Variants in ZNF107 observed in about 807,000 individuals in gnomAD.
ZNF107 encodes the protein C2H2 type zinc-finger protein.
ZNF107 carries 19 observed loss-of-function variants against 12.3 expected under a neutral mutation model. That is an observed-to-expected ratio of 1.55 (90% CI 1.08 to 2.27). The LOEUF (loss-of-function observed/expected upper bound fraction) is 2.27. Among genes scored for constraint, ZNF107 ranks in the 30% most tolerant of loss-of-function variants. The pLI is 0.00. For missense variants in ZNF107, 958 were observed against 979.9 expected (o/e 0.98, Z 0.30); for synonymous variants, 317 against 330.5 (o/e 0.96, Z 0.44).
intron 1 of ZNF107, among the ~76,000 whole-genome samples, chr7:64,684,994 T>C (rs1226346197): frequency 6.6e-6 from 1 of 152,140 alleles, no homozygotes; most frequent in Non-Finnish European, 1.5e-5. Context: ...CACAAAAAAC[T>C]GGGTAGTTAC....
intron 3 of ZNF107, among the ~76,000 whole-genome samples, chr7:64,701,027 T>C (rs1159852564): frequency 6.6e-6 from 1 of 152,226 alleles, no homozygotes; most frequent in East Asian, 1.9e-4. Context: ...GTATTTTCTT[T>C]ATATATTTTG....
At chr7:64,679,315 C>A (rs948241867) in intron 1 of ZNF107, 1 of 985,074 alleles carries the variant, frequency 1.0e-6, no homozygotes, top group Non-Finnish European at 1.2e-6. Context: ...TCTGTAAAAG[C>A]CCCGCCTCTG....
intron 3 of ZNF107, among the ~76,000 whole-genome samples, chr7:64,697,970 GCGCCCGGC>G (rs1020004956): frequency 6.6e-6 from 1 of 152,040 alleles, no homozygotes; most frequent in African/African-American, 2.4e-5. Flanking sequence ...GTGAGCCACC[GCGCCCGGC>G]CGGTAAAACA....
chr7:64,685,931 G>A (rs1789889354), intron 1 of ZNF107, among the ~76,000 whole-genome samples: 2 of 152,110 alleles, frequency 1.3e-5, no homozygotes, highest in Non-Finnish European at 1.5e-5. Context: ...ATAGGACTAG[G>A]AGTTACCAAT....
chr7:64,667,093 T>G (rs2128954336), intron 1 of ZNF107, among the ~76,000 whole-genome samples: 1 of 152,316 alleles, frequency 6.6e-6, no homozygotes, highest in South Asian at 2.1e-4. Flanking sequence ...GCCATTTAGT[T>G]ATTTTCACAC....
rs748783670 is a variant in ZNF107 at position 64,707,965 on chromosome 7, G to A, written c.1868G>A (p.Cys623Tyr). ...IIHTGEKPYK[C>Y]EEHGKVFNQS... is the part of the protein sequence containing the mutation. ...CATACTGGAGAGAAACCCTACAAAT[G>A]TGAAGAACATGGCAAAGTTTTTAAC... is the stretch of plus-strand genomic sequence containing the variant. Residue 623 changes from cysteine to tyrosine, a missense_variant, in exon 4 of 4, where the codon TGT (cysteine) becomes TAT (tyrosine). By Grantham distance (194) the Cys-to-Tyr change is radical (BLOSUM62 -2). Coordinates refer to ENST00000620827, the MANE Select transcript of ZNF107 (RefSeq NM_001282359.2). 3.7e-6 allele frequency: 6 copies of A among 1,613,432 alleles called. No individual in the cohort carries two copies. In the Admixed American group the frequency reaches 6.7e-5, roughly 18 times the overall value.
chr7:64,674,073 T>C (rs528851001), intron 1 of ZNF107, among the ~76,000 whole-genome samples: 1 of 152,318 alleles, frequency 6.6e-6, no homozygotes, highest in East Asian at 1.9e-4. Flanking sequence ...TGCTTGGAAT[T>C]GCCTTGGCTA....
Position 64,683,379 on chromosome 7 carries a change from A to T in ZNF107, c.4-7869A>T, listed in dbSNP as rs1789764359. 3.3e-5 allele frequency among the ~76,000 whole-genome samples: 5 copies of T among 152,302 alleles called. No homozygotes were observed. In the South Asian group the frequency reaches 1.0e-3, roughly 32 times the overall value. On this transcript the variant is annotated intron_variant, in intron 1 of 3. Coordinates refer to ENST00000620827, the MANE Select transcript of ZNF107 (RefSeq NM_001282359.2). ...CAAAAACCAACAGACCCTATCACTA[A>T]AGGAAATGCCCATGCCAGTAAAACA...
intron 1 of ZNF107, chr7:64,686,440 C>A: frequency 1.1e-6 from 1 of 880,122 alleles, no homozygotes; most frequent in Non-Finnish European, 1.4e-6. Flanking sequence ...CTCAATGTCA[C>A]CCCCACCCCA....
chr7:64,702,432 G>T (rs1349371629), intron 3 of ZNF107, among the ~76,000 whole-genome samples: 1 of 152,068 alleles, frequency 6.6e-6, no homozygotes, highest in Non-Finnish European at 1.5e-5. Context: ...ACCGCGCCCG[G>T]CCAATATTTT....
At position 64,709,844 on chromosome 7, in the gene ZNF107, G is replaced by A. The variant is rs1790825744; in HGVS notation, c.*1188G>A. 2.4e-6 allele frequency: 1 copy of A among 422,260 alleles called. No individual in the cohort carries two copies. The highest frequency in any genetic ancestry group is 1.7e-5 in the South Asian group (1 of 58,936). The allele number at this position is 422,260 out of a possible 1,614,324, so 26.2% of individuals were successfully genotyped here. A position where few individuals can be genotyped will look rare whatever the true frequency, so the allele number is the denominator to read the frequency against. ...TAAGCCTTTAAAGTGAAGAAGAGGA[G>A]CCAGTTGTGCTGGCTCACATCTGTA... On this transcript the variant is annotated 3_prime_UTR_variant, in exon 4 of 4. Transcript: ENST00000620827.
At chr7:64,700,071 A>AAAAAAG (rs1790422700) in intron 3 of ZNF107, among the ~76,000 whole-genome samples, 1 of 151,688 alleles carries the variant, frequency 6.6e-6, no homozygotes, top group Admixed American at 6.6e-5. Context: ...AAAAAAAAAA[A>AAAAAAG]AAAAAGAATA....
At chr7:64,686,453 A>G in intron 1 of ZNF107, 1 of 944,950 alleles carries the variant, frequency 1.1e-6, no homozygotes. Flanking sequence ...CCACCCCAAG[A>G]TCTCTCTCCC....
intron 3 of ZNF107, among the ~76,000 whole-genome samples, chr7:64,693,469 G>T (rs1334044107): frequency 6.6e-6 from 1 of 152,010 alleles, no homozygotes; most frequent in African/African-American, 2.4e-5. Context: ...ATTTTAGGAG[G>T]TAAAGATCTT....
intron 3 of ZNF107, among the ~76,000 whole-genome samples, chr7:64,693,820 C>CTTT (rs2128963597): frequency 6.6e-6 from 1 of 151,772 alleles, no homozygotes; most frequent in African/African-American, 2.4e-5. Context: ...TGGAGTTTCG[C>CTTT]TTTTCTTGCC....
At chr7:64,686,970 A>C (rs1289606168) in intron 1 of ZNF107, 5 of 985,358 alleles carry the variant, frequency 5.1e-6, no homozygotes, top group Non-Finnish European at 2.4e-6. Context: ...CCCGTTATTC[A>C]TAATGCTCAT....
chr7:64,683,969 C>T (rs2128960445), intron 1 of ZNF107, among the ~76,000 whole-genome samples: 1 of 152,284 alleles, frequency 6.6e-6, no homozygotes, highest in Admixed American at 6.5e-5. Context: ...TTTCGGCCTC[C>T]CTACTTCCAT....
chr7:64,682,946 C>G (rs187955106), intron 1 of ZNF107, among the ~76,000 whole-genome samples: 2 of 152,202 alleles, frequency 1.3e-5, no homozygotes, highest in South Asian at 2.1e-4. Context: ...CATCCTCCCC[C>G]TCTCCTCACA....
chr7:64,684,576 G>T, intron 1 of ZNF107: 1 of 985,270 alleles, frequency 1.0e-6, no homozygotes, highest in Non-Finnish European at 1.2e-6. Context: ...CCCCGACCTC[G>T]TTAAAACTCA....
Sources: gnomAD v4.1 joint callset for allele counts (sites outside exome capture counted in the v4.1 genomes callset) on GRCh38, gnomAD v4.1.1 for gene constraint, MANE v1.5 for transcripts, NCBI Gene and HGNC (gene_info 2026-07-23, HGNC 2026-07-21) for gene names.